DPYD: variants seen among roughly 807,000 people sequenced by gnomAD.
The protein encoded by DPYD is dihydropyrimidine dehydrogenase, also known as dihydropyrimidine dehydrogenase [NADP(+)].
DPYD carries 109 observed loss-of-function variants against 116.2 expected under a neutral mutation model. That is an observed-to-expected ratio of 0.94 (90% confidence interval 0.80 to 1.10). DPYD has a LOEUF of 1.10. Ranked by LOEUF, DPYD falls within the 50% of genes least tolerant of loss-of-function variation. DPYD has a pLI of 0.00. For synonymous variants in DPYD, 440 were observed against 432.0 expected, an observed-to-expected ratio of 1.02 and a Z score of -0.23; for missense variants, 1,302 against 1,254.5, an observed-to-expected ratio of 1.04 and a Z score of -0.57.
intron 3 of DPYD, among the ~76,000 whole-genome samples, chr1:97,790,800 T>C (rs2101266334): frequency 6.6e-6 from 1 of 152,216 alleles, no homozygotes; most frequent in South Asian, 2.1e-4. Flanking sequence ...AAAGATTCAA[T>C]TAGGAAAAAA....
In DPYD at chr1:97,792,513, C is replaced by G. The variant is rs138301898; in HGVS notation, c.233+35601G>C. On this transcript the variant is annotated intron_variant, in intron 3 of 22. Transcript: ENST00000370192. Reference sequence around the variant, plus strand: ...GATCTGTCCACCTCAGCCTCCCAAACTGCTGGGATTACAGGCGTGAGCCAC... The same window carrying G: ...GATCTGTCCACCTCAGCCTCCCAAAGTGCTGGGATTACAGGCGTGAGCCAC... 2.7e-3 allele frequency among the ~76,000 whole-genome samples: 415 copies of G among 152,158 alleles called. 2 individuals carry two copies. Among genetic ancestry groups the G allele is most frequent in the African/African-American group, 8.9e-3 (369 of 41,522 alleles).
chr1:97,817,482 G>A (rs1269632290), intron 3 of DPYD, among the ~76,000 whole-genome samples: 1 of 152,014 alleles, frequency 6.6e-6, no homozygotes, highest in Non-Finnish European at 1.5e-5. Context: ...AAATGTCAAT[G>A]TCTATCTTCC....
chr1:97,761,666 C>T (rs1264352599), intron 3 of DPYD, among the ~76,000 whole-genome samples: 1 of 152,044 alleles, frequency 6.6e-6, no homozygotes, highest in African/African-American at 2.4e-5. Context: ...AATCTTATTA[C>T]TAGGTACATA....
chr1:97,624,589 T>C (rs575085500), intron 8 of DPYD, among the ~76,000 whole-genome samples: 16 of 152,002 alleles, frequency 1.1e-4, no homozygotes, highest in Admixed American at 6.6e-4. Flanking sequence ...ACAATTACCA[T>C]GTGATCCAGA....
intron 12 of DPYD, among the ~76,000 whole-genome samples, chr1:97,539,577 G>A (rs1359241190): frequency 1.3e-5 from 2 of 151,948 alleles, no homozygotes; most frequent in African/African-American, 2.4e-5. Context: ...TAAATACTGT[G>A]GCTTTTTAAA....
At chr1:97,682,220 T>C (rs1434650042) in intron 7 of DPYD, among the ~76,000 whole-genome samples, 1 of 152,014 alleles carries the variant, frequency 6.6e-6, no homozygotes, top group African/African-American at 2.4e-5. Flanking sequence ...TCCTTTCATG[T>C]ATGGAAAGCT....
chr1:97,384,183 G>C (rs2101573290), intron 14 of DPYD, among the ~76,000 whole-genome samples: 2 of 151,478 alleles, frequency 1.3e-5, no homozygotes, highest in South Asian at 4.2e-4. Context: ...GCAGAGTCTA[G>C]TGGTAAGAGT....
chr1:97,449,985 A>T lies in DPYD; in HGVS notation c.1905+74T>A. On this transcript the variant is annotated intron_variant, in intron 14 of 22. Transcript: ENST00000370192. Reference sequence around the variant, plus strand: ...TATACACATTAATATTTATAAGCCTATGAATTGGATGTTTAAATAAACATT... The same window carrying T: ...TATACACATTAATATTTATAAGCCTTTGAATTGGATGTTTAAATAAACATT... 3.8e-6 allele frequency: 6 copies of T among 1,563,168 alleles called. No individual in the cohort carries two copies. The South Asian group carries it at 6.7e-5, about 17-fold the overall frequency.
intron 14 of DPYD, among the ~76,000 whole-genome samples, chr1:97,410,073 A>G (rs1673892374): frequency 6.7e-6 from 1 of 148,420 alleles, no homozygotes; most frequent in Non-Finnish European, 1.5e-5. Context: ...CTCAAAAAAG[A>G]AAAAGAAAGA....
intron 11 of DPYD, among the ~76,000 whole-genome samples, chr1:97,554,588 C>T (rs748687376): frequency 6.6e-6 from 1 of 152,058 alleles, no homozygotes; most frequent in African/African-American, 2.4e-5. Flanking sequence ...AGTAATTCAG[C>T]GCTGAAAGCA....
chr1:97,396,680 C>T (rs1444545544), intron 14 of DPYD, among the ~76,000 whole-genome samples: 1 of 151,966 alleles, frequency 6.6e-6, no homozygotes, highest in East Asian at 1.9e-4. Context: ...CACCTTGCTG[C>T]TCCTTATCTT....
At chr1:97,538,032 A>T (rs1570923239) in intron 12 of DPYD, among the ~76,000 whole-genome samples, 1 of 150,108 alleles carries the variant, frequency 6.7e-6, no homozygotes, top group Non-Finnish European at 1.5e-5. Context: ...GTGCCATTGC[A>T]CTCCAGCCTG....
intron 20 of DPYD, among the ~76,000 whole-genome samples, chr1:97,105,435 C>T (rs1651068009): frequency 6.6e-6 from 1 of 152,008 alleles, no homozygotes; most frequent in African/African-American, 2.4e-5. Flanking sequence ...CCTCCATAGT[C>T]TTTATCTAAG....
At chr1:97,642,465 A>G (rs1657978099) in intron 8 of DPYD, among the ~76,000 whole-genome samples, 1 of 152,052 alleles carries the variant, frequency 6.6e-6, no homozygotes, top group Admixed American at 6.6e-5. Context: ...GATCTTTGAC[A>G]AACCTGACAA....
rs2101792666 is a variant in DPYD, at chr1:97,450,130, G to A, written c.1834C>T (p.Leu612Phe). 1 of 1,613,946 alleles carries A rather than the reference G, an allele frequency of 6.2e-7. No homozygotes were observed. Among genetic ancestry groups the A allele is most frequent in the Non-Finnish European group, 8.5e-7 (1 of 1,179,906 alleles). ...PGQSSFLNIE[L>F]ISEKTAAYWC... The stretch of plus-strand genomic sequence containing the variant: ...TATGCAGCCGTTTTCTCACTGATGA[G>A]CTCAATATTCAGAAAGGAGCTTTGT... Residue 612 changes from leucine to phenylalanine, a missense_variant, in exon 14 of 23, where the codon CTC becomes TTC. By Grantham distance (22) the Leu-to-Phe change is conservative. Coordinates refer to ENST00000370192, the MANE Select transcript of DPYD (RefSeq NM_000110.4).
At chr1:97,119,999 T>G (rs1305334656) in intron 20 of DPYD, among the ~76,000 whole-genome samples, 4 of 152,148 alleles carry the variant, frequency 2.6e-5, no homozygotes, top group Non-Finnish European at 4.4e-5. Flanking sequence ...AGATGGTCAG[T>G]GCCTGCCCTC....
chr1:97,312,655 CAGAT>C (rs1373643224), intron 16 of DPYD, among the ~76,000 whole-genome samples: 2 of 151,820 alleles, frequency 1.3e-5, no homozygotes, highest in African/African-American at 4.8e-5. Context: ...GAATAACACA[CAGAT>C]AGCCTAATCC....
At chr1:97,760,011 G>A (rs1173607987) in intron 3 of DPYD, among the ~76,000 whole-genome samples, 1 of 152,168 alleles carries the variant, frequency 6.6e-6, no homozygotes, top group East Asian at 1.9e-4. Flanking sequence ...ATAGAAAGTG[G>A]CTTTTGGGAT....
At chr1:97,715,668 A>G (rs1244428442) in intron 5 of DPYD, among the ~76,000 whole-genome samples, 1 of 152,036 alleles carries the variant, frequency 6.6e-6, no homozygotes, top group Admixed American at 6.6e-5. Flanking sequence ...CGGTCATTTG[A>G]TCATCTTACT....
Sources: gnomAD v4.1 joint callset for allele counts (sites outside exome capture counted in the v4.1 genomes callset) on GRCh38, gnomAD v4.1.1 for gene constraint, MANE v1.5 for transcripts, NCBI Gene and HGNC (gene_info 2026-07-23, HGNC 2026-07-21) for gene names.